Variants in STRBP observed in about 807,000 individuals in gnomAD.
STRBP encodes the protein spermatid perinuclear RNA-binding protein.
In STRBP, 13 loss-of-function variants were observed where a neutral mutation model predicts 80.1. The ratio of observed to expected loss-of-function variants is 0.16; its 90% CI spans 0.11 to 0.26. The LOEUF (loss-of-function observed/expected upper bound fraction) is 0.26, where lower values mean the gene tolerates loss of function less well. Ranked by LOEUF, STRBP falls within the 10% of genes least tolerant of loss-of-function variation. STRBP has a pLI of 1.00. For synonymous variants in STRBP, 284 were observed against 291.2 expected, an observed-to-expected ratio of 0.98 and a Z score of 0.25; for missense variants, 485 against 815.2, an observed-to-expected ratio of 0.59 and a Z score of 4.93.
chr9:123,249,773 T>G lies in STRBP; in HGVS notation c.-301-12807A>C, dbSNP rs191028661. Among the ~76,000 whole-genome samples the G allele has an allele frequency of 1.5e-4, 23 of 152,370 alleles. No homozygotes were observed. The East Asian group carries it at 4.0e-3, about 27-fold the overall frequency. On this transcript the variant is annotated intron_variant, in intron 1 of 18. Transcript: ENST00000348403. The stretch of plus-strand genomic sequence containing the variant: ...TCTGCAAGTGTGGTTTAGGAACCCC[T>G]GGAGGTCCTCAAGACCTTTTCAGGG...
At chr9:123,248,273 T>TG (rs1220477145) in intron 1 of STRBP, among the ~76,000 whole-genome samples, 1 of 144,066 alleles carries the variant, frequency 6.9e-6, no homozygotes, top group Non-Finnish European at 1.5e-5. Context: ...TTTTTTTTTT[T>TG]TTTTTTTTTT....
rs780434546 is a variant in STRBP at position 123,136,197 on chromosome 9, A to G, written c.1633-16T>C. 1 of 1,613,972 alleles carries G rather than the reference A, an allele frequency of 6.2e-7. No homozygotes were observed. Among genetic ancestry groups the G allele is most frequent in the South Asian group, 1.1e-5 (1 of 91,070 alleles). ...CTACTTCTACCTACAATCAAGAATA[A>G]CACCTTGCAATTATCCCATGCAATT... On this transcript the variant is annotated splice_polypyrimidine_tract_variant and intron_variant, in intron 15 of 18. Coordinates refer to ENST00000348403, the MANE Select transcript of STRBP (RefSeq NM_018387.5). This position sits in a 1 kb window ranked among gnomAD's most constrained non-coding sequence, Gnocchi z 4.2.
intron 2 of STRBP, among the ~76,000 whole-genome samples, chr9:123,189,467 T>TA (rs61601485): frequency 0.26 from 37,058 of 141,128 alleles, 5,884 homozygotes; most frequent in Middle Eastern, 0.38. Context: ...ATAATAATAA[T>TA]AAAAAAAAAG....
rs1014496356 is a variant in STRBP, at chr9:123,184,298, C to A, written c.-164G>T. 5.7e-6 allele frequency: 3 copies of A among 527,518 alleles called. No homozygotes were observed. The highest frequency in any genetic ancestry group is 9.8e-6 in the Non-Finnish European group (3 of 307,350). 32.7% of individuals were successfully genotyped at this position (527,518 alleles called of 1,614,324 possible). On this transcript the variant is annotated splice_region_variant and 5_prime_UTR_variant, in exon 3 of 19. Coordinates refer to ENST00000348403, the MANE Select transcript of STRBP (RefSeq NM_018387.5). ...CTGAAGGCTTGTTCTCTGGAACACACCTGCAAGAGAAGAGGAAAACAACTT... is the reference window on the plus strand; with the variant it reads ...CTGAAGGCTTGTTCTCTGGAACACAACTGCAAGAGAAGAGGAAAACAACTT...
chr9:123,262,229 C>T (rs549479813), intron 1 of STRBP, among the ~76,000 whole-genome samples: 7 of 152,258 alleles, frequency 4.6e-5, no homozygotes, highest in African/African-American at 1.7e-4. Context: ...TCAATTTATG[C>T]TTGCTGAATT....
chr9:123,239,180 C>T (rs532457634), intron 1 of STRBP, among the ~76,000 whole-genome samples: 43 of 152,270 alleles, frequency 2.8e-4, no homozygotes, highest in African/African-American at 1.0e-3. Context: ...TTGAGACCAT[C>T]CTGGCTAACA....
chr9:123,147,120 G>T, intron 12 of STRBP, 66 bp from the exon 13 acceptor site: 1 of 1,470,368 alleles, frequency 6.8e-7, no homozygotes, highest in South Asian at 1.3e-5. Context: ...TGCGTTTTTG[G>T]GGTTCCTAGT....
At chr9:123,187,034 G>A (rs13286948) in intron 2 of STRBP, among the ~76,000 whole-genome samples, 5 of 151,950 alleles carry the variant, frequency 3.3e-5, no homozygotes, top group African/African-American at 1.2e-4. Flanking sequence ...ATGTAGCTCA[G>A]ACTTTGTACT....
At chr9:123,148,248 CAA>C (rs2036904253) in intron 11 of STRBP, among the ~76,000 whole-genome samples, 1 of 152,078 alleles carries the variant, frequency 6.6e-6, no homozygotes, top group African/African-American at 2.4e-5. Flanking sequence ...GAGCCCTTAT[CAA>C]TTATAAAAGA....
intron 1 of STRBP, among the ~76,000 whole-genome samples, chr9:123,239,807 T>C (rs2040654810): frequency 6.6e-6 from 1 of 152,240 alleles, no homozygotes; most frequent in African/African-American, 2.4e-5. Flanking sequence ...GTTCCTAAAA[T>C]GAGTATCTGC....
intron 2 of STRBP, among the ~76,000 whole-genome samples, chr9:123,195,156 A>G (rs1389441145): frequency 6.6e-6 from 1 of 152,122 alleles, no homozygotes; most frequent in Non-Finnish European, 1.5e-5. Context: ...AAACCACACA[A>G]GTTTGCTCCT....
chr9:123,123,106 C>T lies in STRBP; in HGVS notation c.*2491G>A. On this transcript the variant is annotated 3_prime_UTR_variant, in exon 19 of 19. Transcript: ENST00000348403. Reference sequence around the variant, plus strand: ...ATAGAAATTGCCATTTCAAGCCAGACAACCTGATGGTTCTAGAAGTCAGAG... The same window carrying T: ...ATAGAAATTGCCATTTCAAGCCAGATAACCTGATGGTTCTAGAAGTCAGAG... 3.0e-6 allele frequency: 3 copies of T among 985,440 alleles called. No homozygotes were observed. The highest frequency in any genetic ancestry group is 3.6e-6 in the Non-Finnish European group (3 of 829,948). The allele number at this position is 985,440 out of a possible 1,614,324, so 61.0% of individuals were successfully genotyped here.
At chr9:123,186,200 T>C (rs2038692264) in intron 2 of STRBP, among the ~76,000 whole-genome samples, 1 of 151,432 alleles carries the variant, frequency 6.6e-6, no homozygotes, top group Non-Finnish European at 1.5e-5. Context: ...AACAACAAAT[T>C]AGGTGGGCAT....
intron 2 of STRBP, among the ~76,000 whole-genome samples, chr9:123,185,544 T>C (rs2038662472): frequency 6.6e-6 from 1 of 152,202 alleles, no homozygotes; most frequent in South Asian, 2.1e-4. Context: ...GGGATCAAAA[T>C]ATGATCCCAC....
downstream of STRBP, chr9:123,121,369 C>T (rs1588437441): frequency 6.6e-6 from 1 of 152,184 alleles, no homozygotes; most frequent in Non-Finnish European, 1.5e-5. Context: ...CTAAATGAAG[C>T]AAATCTTTAT....
chr9:123,179,539 ACC>A (rs1372848503), intron 3 of STRBP, among the ~76,000 whole-genome samples: 1 of 151,622 alleles, frequency 6.6e-6, no homozygotes, highest in African/African-American at 2.4e-5. Flanking sequence ...ACTTTGGGAG[ACC>A]GAGGTGGGCA....
chr9:123,225,421 GCCA>G (rs892330747), intron 2 of STRBP, among the ~76,000 whole-genome samples: 25 of 152,264 alleles, frequency 1.6e-4, no homozygotes, highest in African/African-American at 6.0e-4. Context: ...TCTAATCACA[GCCA>G]CCTCTGGAGG....
intron 2 of STRBP, among the ~76,000 whole-genome samples, chr9:123,234,931 A>G (rs919979411): frequency 1.4e-5 from 2 of 144,914 alleles, no homozygotes; most frequent in Non-Finnish European, 3.0e-5. Context: ...CACAGACTCC[A>G]TCTCAAAAAA....
At chr9:123,135,486 G>C (rs533336578) in intron 16 of STRBP, among the ~76,000 whole-genome samples, 1 of 152,274 alleles carries the variant, frequency 6.6e-6, no homozygotes, top group East Asian at 1.9e-4. Context: ...CATGTAATTA[G>C]AGGGCCATCT....
Sources: allele counts gnomAD v4.1 joint callset (sites outside exome capture counted in the v4.1 genomes callset), GRCh38; gene constraint gnomAD v4.1.1; non-coding constraint Gnocchi (gnomAD v3.1); transcripts MANE v1.5; gene names NCBI Gene and HGNC (gene_info 2026-07-23, HGNC 2026-07-21).